Variants in CUBN observed in about 807,000 individuals in gnomAD.
CUBN encodes the protein 460 kDa receptor.
CUBN carries 282 observed loss-of-function variants against 405.3 expected under a neutral mutation model. The ratio of observed to expected loss-of-function variants is 0.70; its 90% CI spans 0.63 to 0.77. CUBN has a LOEUF of 0.77. CUBN is among the 30% of genes least tolerant of loss of function. The pLI, the probability that CUBN is intolerant of heterozygous loss-of-function variation, is 0.00. For missense variants in CUBN, 4,514 were observed against 4,475.2 expected (o/e 1.01, Z -0.25); for synonymous variants, 1,684 against 1,617.0 (o/e 1.04, Z -0.99).
At chr10:17,091,332 CA>C (rs1214851702) in intron 14 of CUBN, among the ~76,000 whole-genome samples, 1 of 151,798 alleles carries the variant, frequency 6.6e-6, no homozygotes, top group South Asian at 2.1e-4. Flanking sequence ...GAAAACAAAA[CA>C]AAATAAAATG....
intron 58 of CUBN, among the ~76,000 whole-genome samples, chr10:16,871,179 C>T (rs1840342522): frequency 6.6e-6 from 1 of 151,768 alleles, no homozygotes; most frequent in South Asian, 2.1e-4. Context: ...AGGTGTCCAC[C>T]ACCATGCCTG....
intron 59 of CUBN, among the ~76,000 whole-genome samples, chr10:16,855,644 G>A (rs139291800): frequency 6.6e-6 from 1 of 152,082 alleles, no homozygotes; most frequent in Non-Finnish European, 1.5e-5. Context: ...ACTGAATTTT[G>A]GATGGTTTGT....
Position 16,937,760 on chromosome 10 carries a change from C to T in CUBN, c.5758G>A (p.Ala1920Thr), listed in dbSNP as rs770772474. ...CCACAGTAAGCTCCAATTAGGCGGGCGTGAATGCTAGGCCCATCATAGATC... is the reference window on the plus strand; with the variant it reads ...CCACAGTAAGCTCCAATTAGGCGGGTGTGAATGCTAGGCCCATCATAGATC... ...LRIYDGPSIH[A>T]RLIGAYCGTQ... The change falls in exon 39 of 67, where the codon GCC (alanine) becomes ACC (threonine). Residue 1920 changes from alanine (A) to threonine (T), a missense_variant. This residue lies in a region of CUBN where 1,613 missense variants were observed against 1,542.8 expected (regional missense o/e 1.05). Coordinates refer to ENST00000377833, the MANE Select transcript of CUBN (RefSeq NM_001081.4). 1.9e-5 allele frequency: 31 copies of T among 1,613,662 alleles called. No homozygotes were observed. Among genetic ancestry groups the T allele is most frequent in the Admixed American group, 6.7e-5 (4 of 59,960 alleles).
chr10:17,011,741 C>T (rs775763542), intron 28 of CUBN, among the ~76,000 whole-genome samples: 7 of 152,056 alleles, frequency 4.6e-5, no homozygotes, highest in Non-Finnish European at 8.8e-5. Context: ...GAGTGCTGAT[C>T]GGTGCGTTTA....
rs141898688 is a variant in CUBN, at chr10:16,869,064, G to A, written c.9454+572C>T. Among the ~76,000 whole-genome samples the A allele has an allele frequency of 2.1e-3, 311 of 151,298 alleles. 1 individual carries two copies. Among genetic ancestry groups the A allele is most frequent in the African/African-American group, 7.3e-3 (299 of 41,160 alleles). ...CTTTATCTCTTTCCCCTCTGGGTCC[G>A]TTCAAGGCTTTGACACTTCCCATCT... On this transcript the variant is annotated intron_variant, in intron 59 of 66. Coordinates refer to ENST00000377833, the MANE Select transcript of CUBN (RefSeq NM_001081.4).
In CUBN at chr10:16,925,301, T is replaced by C; in HGVS notation, c.6586A>G (p.Ile2196Val). 1.2e-6 allele frequency: 2 copies of C among 1,613,864 alleles called. No homozygotes were observed. The highest frequency in any genetic ancestry group is 2.2e-5 in the South Asian group (2 of 91,084). Residue 2196 changes from isoleucine (I) to valine (V), a missense_variant, in exon 43 of 67, where the codon ATT (isoleucine) becomes GTT (valine). Around this residue, in one of 5 missense-constraint regions of CUBN, gnomAD observed 1,613 missense variants for 1,542.8 expected, o/e 1.05. Coordinates refer to ENST00000377833, the MANE Select transcript of CUBN (RefSeq NM_001081.4). The part of the protein sequence containing the change: ...TSDNQMFVQF[I>V]SDHSNEGQGF... ...TGCCCTTCATTACTGTGATCAGAAA[T>C]AAACTGAACAAACATTTGATTATCC... is the stretch of plus-strand genomic sequence containing the variant.
At chr10:16,858,412 C>T (rs1839923846) in intron 59 of CUBN, among the ~76,000 whole-genome samples, 1 of 152,140 alleles carries the variant, frequency 6.6e-6, no homozygotes, top group Non-Finnish European at 1.5e-5. Flanking sequence ...CTTTGAACTC[C>T]TGGGCTCAAG....
intron 22 of CUBN, among the ~76,000 whole-genome samples, chr10:17,065,054 T>A (rs964514888): frequency 6.6e-6 from 1 of 151,900 alleles, no homozygotes; most frequent in Non-Finnish European, 1.5e-5. Flanking sequence ...AAGAATGAGC[T>A]CCTGAATTCT....
In CUBN at chr10:17,096,653, G is replaced by A. The variant is rs114277356; in HGVS notation, c.1765+3352C>T. Among the ~76,000 whole-genome samples the A allele has an allele frequency of 9.9e-5, 15 of 152,076 alleles. No individual in the cohort carries two copies. In the South Asian group the frequency reaches 2.9e-3, roughly 29 times the overall value. On this transcript the variant is annotated intron_variant, in intron 14 of 66. Coordinates refer to ENST00000377833, the MANE Select transcript of CUBN (RefSeq NM_001081.4). ...TTTGAAAAACACTATTTACCAACTTGACTAAGTTAATATAGGTAGAGGACT... is the reference window on the plus strand; with the variant it reads ...TTTGAAAAACACTATTTACCAACTTAACTAAGTTAATATAGGTAGAGGACT...
chr10:17,093,331 C>T (rs915473321), intron 14 of CUBN, among the ~76,000 whole-genome samples: 2 of 152,054 alleles, frequency 1.3e-5, no homozygotes, highest in Non-Finnish European at 2.9e-5. Flanking sequence ...TGAAGAGAGA[C>T]TGCATAATAA....
chr10:16,897,609 A>G (rs1841224313), intron 54 of CUBN, among the ~76,000 whole-genome samples: 1 of 151,864 alleles, frequency 6.6e-6, no homozygotes, highest in Non-Finnish European at 1.5e-5. Context: ...ACTGGGACCC[A>G]TTTTTCCAGT....
intron 28 of CUBN, among the ~76,000 whole-genome samples, chr10:16,997,060 T>G (rs933403296): frequency 1.3e-5 from 2 of 152,208 alleles, no homozygotes; most frequent in Non-Finnish European, 2.9e-5. Flanking sequence ...TTTCTATAAC[T>G]TAACAATAAA....
At chr10:16,902,218 T>C (rs1407759958) in intron 51 of CUBN, among the ~76,000 whole-genome samples, 1 of 135,572 alleles carries the variant, frequency 7.4e-6, no homozygotes, top group Non-Finnish European at 1.5e-5. Flanking sequence ...ATATATATAG[T>C]ATATATATGT....
intron 10 of CUBN, 27 bp downstream of exon 10, chr10:17,109,613 A>T (rs1836720816): frequency 6.3e-7 from 1 of 1,578,408 alleles, no homozygotes; most frequent in Non-Finnish European, 8.7e-7. Flanking sequence ...ACAATACCCA[A>T]AGCCAAAGAG....
intron 54 of CUBN, among the ~76,000 whole-genome samples, chr10:16,891,562 C>T (rs1459641797): frequency 2.0e-5 from 3 of 152,078 alleles, no homozygotes; most frequent in Non-Finnish European, 4.4e-5. Context: ...TTTTGGAAAA[C>T]ATTACAATTC....
chr10:16,969,340 G>A (rs1276113330), intron 31 of CUBN, among the ~76,000 whole-genome samples: 1 of 149,682 alleles, frequency 6.7e-6, no homozygotes, highest in Non-Finnish European at 1.5e-5. Context: ...AAAGAGGATG[G>A]AGGCTGTGTA....
At chr10:16,910,481 G>A (rs1405205676) in intron 48 of CUBN, among the ~76,000 whole-genome samples, 6 of 152,144 alleles carry the variant, frequency 3.9e-5, no homozygotes, top group Non-Finnish European at 5.9e-5. Context: ...GTGATTCGTC[G>A]CTGGAGTTTT....
At chr10:17,043,071 A>T (rs1460323410) in intron 26 of CUBN, among the ~76,000 whole-genome samples, 1 of 152,168 alleles carries the variant, frequency 6.6e-6, no homozygotes, top group Non-Finnish European at 1.5e-5. Context: ...AACTAACTTC[A>T]AAAAGCATTT....
intron 3 of CUBN, among the ~76,000 whole-genome samples, chr10:17,127,264 C>CTTT (rs34414528): frequency 6.8e-4 from 56 of 82,814 alleles, no homozygotes; most frequent in African/African-American, 1.5e-3. Flanking sequence ...CTCTCTCTTT[C>CTTT]TTTTTTTTTT....
Sources: allele counts gnomAD v4.1 joint callset (sites outside exome capture counted in the v4.1 genomes callset), GRCh38; gene constraint gnomAD v4.1.1; regional missense constraint gnomAD v4.1.1; transcripts MANE v1.5; gene names NCBI Gene and HGNC (gene_info 2026-07-23, HGNC 2026-07-21).